BTBD9: variants seen among roughly 807,000 people sequenced by gnomAD.
BTBD9 encodes the protein BTB domain containing 9, also known as BTB/POZ domain-containing protein 9.
In BTBD9, 49 loss-of-function variants were observed where a neutral mutation model predicts 64.3. That is an observed-to-expected ratio of 0.76 (90% CI 0.61 to 0.97). BTBD9 has a LOEUF of 0.97. BTBD9 is among the 50% of genes least tolerant of loss of function. BTBD9 has a pLI of 0.00. For missense variants in BTBD9, 598 were observed against 762.1 expected (o/e 0.78, Z 2.53); for synonymous variants, 260 against 274.7 (o/e 0.95, Z 0.53).
chr6:38,635,940 A>G (rs2127536835), intron 1 of BTBD9, among the ~76,000 whole-genome samples: 1 of 152,218 alleles, frequency 6.6e-6, no homozygotes, highest in East Asian at 1.9e-4. Flanking sequence ...AGTTCCATTC[A>G]CCATCTTTTC....
intron 6 of BTBD9, among the ~76,000 whole-genome samples, chr6:38,437,470 C>T (rs1768792264): frequency 6.6e-6 from 1 of 152,146 alleles, no homozygotes; most frequent in Non-Finnish European, 1.5e-5. Context: ...TTAATTTTTA[C>T]TTCTATTCAC....
In BTBD9 at chr6:38,194,156, G is replaced by T. The variant is rs192430243; in HGVS notation, c.1563-1559C>A. Reference sequence around the variant, plus strand: ...GGGATGCAGCCCATGGGCCGGCAGGGGAGCCTGCAAGGCCCTGTGGGGTTT... The same window carrying T: ...GGGATGCAGCCCATGGGCCGGCAGGTGAGCCTGCAAGGCCCTGTGGGGTTT... On this transcript the variant is annotated intron_variant, in intron 9 of 10. Transcript: ENST00000481247. Among the ~76,000 whole-genome samples the T allele has an allele frequency of 2.6e-5, 4 of 152,202 alleles. No homozygotes were observed. The East Asian group carries it at 7.8e-4, about 30-fold the overall frequency.
intron 7 of BTBD9, among the ~76,000 whole-genome samples, chr6:38,338,083 C>T (rs1763963239): frequency 6.6e-6 from 1 of 152,150 alleles, no homozygotes; most frequent in Non-Finnish European, 1.5e-5. Flanking sequence ...ATTTTGGTTG[C>T]CCTAGATCCA....
chr6:38,569,710 G>A (rs960100374), intron 6 of BTBD9, among the ~76,000 whole-genome samples: 2 of 152,124 alleles, frequency 1.3e-5, no homozygotes, highest in East Asian at 1.9e-4. Flanking sequence ...AAGAAGCTTG[G>A]ATTCAATTGA....
At chr6:38,291,873 T>C (rs1009270123) in intron 7 of BTBD9, among the ~76,000 whole-genome samples, 3 of 152,172 alleles carry the variant, frequency 2.0e-5, no homozygotes, top group Non-Finnish European at 4.4e-5. Flanking sequence ...AGCTTTTTGA[T>C]GTGCTGCTGG....
At chr6:38,399,950 CG>C (rs953145144) in intron 6 of BTBD9, among the ~76,000 whole-genome samples, 1 of 149,466 alleles carries the variant, frequency 6.7e-6, no homozygotes, top group African/African-American at 2.5e-5. Flanking sequence ...TTAGTAGAGA[CG>C]GGGTTTCTCT....
chr6:38,521,488 A>G (rs1262872950), intron 6 of BTBD9, among the ~76,000 whole-genome samples: 1 of 152,220 alleles, frequency 6.6e-6, no homozygotes, highest in Non-Finnish European at 1.5e-5. Flanking sequence ...TCTGCATTAT[A>G]CTTACTGGTT....
intron 7 of BTBD9, among the ~76,000 whole-genome samples, chr6:38,304,584 A>T (rs2127566561): frequency 6.6e-6 from 1 of 152,030 alleles, no homozygotes; most frequent in South Asian, 2.1e-4. Flanking sequence ...CAACATCAAA[A>T]GAATACCATC....
chr6:38,241,030 GAAAC>G (rs992974505), intron 9 of BTBD9, among the ~76,000 whole-genome samples: 7 of 152,114 alleles, frequency 4.6e-5, no homozygotes, highest in Non-Finnish European at 2.9e-5. Context: ...TCAGAAATGT[GAAAC>G]AAACAAACAA....
chr6:38,562,388 G>A (rs540557360), intron 6 of BTBD9, among the ~76,000 whole-genome samples: 9 of 152,190 alleles, frequency 5.9e-5, no homozygotes, highest in South Asian at 2.1e-4. Flanking sequence ...CCTTCATGGC[G>A]AAGTTTCTCA....
At chr6:38,639,599 C>A (rs773411442) in intron 1 of BTBD9, among the ~76,000 whole-genome samples, 81 of 152,258 alleles carry the variant, frequency 5.3e-4, no homozygotes, top group Non-Finnish European at 9.9e-4. Context: ...TCGTGGACTG[C>A]GAACGGGACG....
chr6:38,540,624 C>A (rs1387798437), intron 6 of BTBD9, among the ~76,000 whole-genome samples: 1 of 151,998 alleles, frequency 6.6e-6, no homozygotes, highest in African/African-American at 2.4e-5. Context: ...AGTTTTTGTT[C>A]TTTTTTAAGT....
Position 38,577,650 on chromosome 6 carries a change from T to C in BTBD9, c.1104A>G (p.Gln368=), listed in dbSNP as rs1776109318. 1.2e-6 allele frequency: 2 copies of C among 1,610,754 alleles called. No homozygotes were observed. The highest frequency in any genetic ancestry group is 1.1e-5 in the South Asian group (1 of 91,048). Residue 368 remains glutamine, a synonymous_variant, in exon 6 of 11, where the codon CAA becomes CAG. Transcript: ENST00000481247. Reference sequence around the variant, plus strand: ...ATTTCTGCCAAGAACGACACAGATATTGTGAATGATCTATCACTCTGACCC... The same window carrying C: ...ATTTCTGCCAAGAACGACACAGATACTGTGAATGATCTATCACTCTGACCC... ...LDWVRVIDHS[Q]YLCRSWQKLY...
intron 6 of BTBD9, among the ~76,000 whole-genome samples, chr6:38,498,402 T>A (rs765907857): frequency 1.7e-4 from 25 of 150,438 alleles, no homozygotes; most frequent in Admixed American, 6.0e-4. Context: ...CTTTCATTAT[T>A]TAGAGACACA....
intron 5 of BTBD9, among the ~76,000 whole-genome samples, chr6:38,579,359 A>C (rs1267537041): frequency 1.3e-5 from 2 of 152,224 alleles, no homozygotes; most frequent in African/African-American, 4.8e-5. Context: ...CTGAAGAGGC[A>C]TAAGTGGGGC....
chr6:38,608,534 C>T (rs6931348), intron 1 of BTBD9, among the ~76,000 whole-genome samples: 2,516 of 152,262 alleles, frequency 0.017, 68 homozygotes, highest in African/African-American at 0.057. Context: ...CCCATTAAAG[C>T]AGTGGAATCA....
rs117818896 is a variant in BTBD9, at chr6:38,273,670, C to T, written c.1454+14602G>A. On this transcript the variant is annotated intron_variant, in intron 8 of 10. Coordinates refer to ENST00000481247, the MANE Select transcript of BTBD9 (RefSeq NM_001099272.2). ...AGAGTAAATATAGGGAGATCATTGC[C>T]CCCCATTGCCTAGCACTGAGCTGCC... Among the ~76,000 whole-genome samples, 226 of 152,178 alleles carry T rather than the reference C, an allele frequency of 1.5e-3. 4 individuals carry two copies. In the East Asian group the frequency reaches 0.032, roughly 21 times the overall value.
At position 38,335,251 on chromosome 6, in the gene BTBD9, TA is replaced by T. The variant is rs1386159657; in HGVS notation, c.1264+9732del. 1.3e-3 allele frequency among the ~76,000 whole-genome samples: 179 copies of T among 142,076 alleles called. 2 individuals are homozygous for T. Among genetic ancestry groups the T allele is most frequent in the Admixed American group, 0.012 (160 of 13,502 alleles). The allele number at this position is 142,076 out of a possible 152,430, so 93.2% of individuals were successfully genotyped here. On this transcript the variant is annotated intron_variant, in intron 7 of 10. Coordinates refer to ENST00000481247, the MANE Select transcript of BTBD9 (RefSeq NM_001099272.2). ...TAGTTCTTTTATTTTATTTTAATTT[TA>T]AATTTTTTTTTTTTTTTTGAGACAG...
At chr6:38,484,372 T>A (rs937930385) in intron 6 of BTBD9, among the ~76,000 whole-genome samples, 2 of 152,228 alleles carry the variant, frequency 1.3e-5, no homozygotes, top group Non-Finnish European at 2.9e-5. Context: ...AGATAAAATG[T>A]GGGTTAGATT....
Sources: gnomAD v4.1 joint callset for allele counts (sites outside exome capture counted in the v4.1 genomes callset) on GRCh38, gnomAD v4.1.1 for gene constraint, MANE v1.5 for transcripts, NCBI Gene and HGNC (gene_info 2026-07-23, HGNC 2026-07-21) for gene names.